The following F10 variants were observed in gnomAD, a reference collection of about 807,000 sequenced individuals.
F10 encodes the protein coagulation factor X, also known as Stuart-Prower factor.
F10 carries 29 observed loss-of-function variants against 37.1 expected under a neutral mutation model. The observed-to-expected ratio is 0.78, with a 90% CI of 0.58 to 1.07. The LOEUF is 1.07. Ranked by LOEUF, F10 falls within the 50% of genes least tolerant of loss-of-function variation. F10 has a pLI of 0.00. For synonymous variants in F10, 262 were observed against 268.6 expected (o/e 0.98, Z 0.24); for missense variants, 539 against 667.9 (o/e 0.81, Z 2.13).
At chr13:113,148,815 T>C in intron 7 of F10, 101 bp from the exon 8 acceptor site, 2 of 1,516,448 alleles carry the variant, frequency 1.3e-6, no homozygotes, top group Non-Finnish European at 1.8e-6. Context: ...TCACGTGCCA[T>C]TTTTAATTTA....
Position 113,143,735 on chromosome 13 carries a change from G to A in F10, c.503-116G>A, listed in dbSNP as rs1439593002. 17 of 1,473,220 alleles carry A rather than the reference G, an allele frequency of 1.2e-5. No individual in the cohort carries two copies. The highest frequency in any genetic ancestry group is 4.8e-5 in the East Asian group (2 of 41,448). 91.3% of individuals were successfully genotyped at this position (1,473,220 alleles called of 1,614,324 possible). On this transcript the variant is annotated intron_variant, in intron 5 of 7. Coordinates refer to ENST00000375559, the MANE Select transcript of F10 (RefSeq NM_000504.4). The surrounding 1 kb of genome is among the most constrained non-coding windows in gnomAD (Gnocchi z 6.8). ...CGCCCTGCAAGCCCGCTGCCCCTCCGGGTGCCCCTGCGCTCTGCCTCCCGG... is the reference window on the plus strand; with the variant it reads ...CGCCCTGCAAGCCCGCTGCCCCTCCAGGTGCCCCTGCGCTCTGCCTCCCGG...
intron 1 of F10, chr13:113,128,047 A>G (rs1476440535): frequency 6.6e-6 from 1 of 152,182 alleles, no homozygotes; most frequent in Non-Finnish European, 1.5e-5. Flanking sequence ...CAGGTGCCTC[A>G]TGCTGTACCT....
chr13:113,129,409 G>T, intron 1 of F10, 43 bp from the exon 2 acceptor site: 1 of 1,612,060 alleles, frequency 6.2e-7, no homozygotes, highest in South Asian at 1.1e-5. Context: ...GAGCCTGGGT[G>T]AGGGTGACCA....
chr13:113,147,570 T>G, intron 7 of F10, 74 bp downstream of exon 7: 1 of 924,458 alleles, frequency 1.1e-6, no homozygotes, highest in Non-Finnish European at 1.8e-6. Context: ...CCACTAAAGC[T>G]GATGGAATTT....
At chr13:113,124,172 G>A (rs371287071) in intron 1 of F10, among the ~76,000 whole-genome samples, 31 of 152,106 alleles carry the variant, frequency 2.0e-4, no homozygotes, top group African/African-American at 4.3e-4. Flanking sequence ...AGCCCGGCCC[G>A]GGACTCTGGA....
chr13:113,148,483 A>G lies in F10; in HGVS notation c.866-433A>G, dbSNP rs9577469. On this transcript the variant is annotated intron_variant, in intron 7 of 7. Coordinates refer to ENST00000375559, the MANE Select transcript of F10 (RefSeq NM_000504.4). ...TACTTTTTCCATGTGTAATCATGTT[A>G]AAGGTGTAATAACACATTCCGCACA... is the stretch of plus-strand genomic sequence containing the variant. 0.015 allele frequency among the ~76,000 whole-genome samples: 2,354 copies of G among 151,970 alleles called. 168 individuals carry two copies. In the East Asian group the frequency reaches 0.21, roughly 14 times the overall value.
chr13:113,127,001 A>G (rs2036376941), intron 1 of F10, among the ~76,000 whole-genome samples: 1 of 152,240 alleles, frequency 6.6e-6, no homozygotes, highest in African/African-American at 2.4e-5. Context: ...CAGGGTCAAG[A>G]AATAATAAAT....
intron 1 of F10, 118 bp downstream of exon 1, chr13:113,123,043 AGGCTGGGCTCGGAT>A (rs2036334785): frequency 1.6e-6 from 2 of 1,232,804 alleles, no homozygotes; most frequent in South Asian, 2.6e-5. Flanking sequence ...GTGCTGCCAG[AGGCTGGGCTCGGAT>A]GGCTGGGCTT....
At chr13:113,123,720 G>C (rs938189918) in intron 1 of F10, among the ~76,000 whole-genome samples, 1 of 152,198 alleles carries the variant, frequency 6.6e-6, no homozygotes, top group Non-Finnish European at 1.5e-5. Context: ...TGGGAAGGCT[G>C]AGTGGATCCT....
At chr13:113,145,158 G>A (rs1047177041) in intron 6 of F10, among the ~76,000 whole-genome samples, 5 of 152,318 alleles carry the variant, frequency 3.3e-5, no homozygotes, top group Admixed American at 2.0e-4. Flanking sequence ...GGGATTACAG[G>A]CGTGAGACAA....
chr13:113,147,001 G>A (rs987703168), intron 6 of F10, among the ~76,000 whole-genome samples: 4 of 152,314 alleles, frequency 2.6e-5, no homozygotes, highest in South Asian at 2.1e-4. Context: ...CAGGCACACC[G>A]GTTGAGGCAG....
rs541441351 is a variant in F10, at chr13:113,140,240, A to AT, written c.371-665dup. ...AGGCCCCGGCCACCAGTCCCGGCTA[A>AT]TTTTTTTTTTTTTTAATTTTTTAGT... On this transcript the variant is annotated intron_variant, in intron 4 of 7. Transcript: ENST00000375559. 6.4e-3 allele frequency among the ~76,000 whole-genome samples: 929 copies of AT among 144,742 alleles called. 4 individuals carry two copies. The highest frequency in any genetic ancestry group is 0.019 in the African/African-American group (733 of 39,582). 95.0% of individuals were successfully genotyped at this position (144,742 alleles called of 152,430 possible).
chr13:113,132,887 A>G (rs2036446859), intron 2 of F10, among the ~76,000 whole-genome samples: 1 of 152,364 alleles, frequency 6.6e-6, no homozygotes, highest in East Asian at 1.9e-4. Flanking sequence ...ACTCACATAA[A>G]GTATGTTTTC....
chr13:113,127,902 G>T (rs1038783135), intron 1 of F10, among the ~76,000 whole-genome samples: 1 of 152,152 alleles, frequency 6.6e-6, no homozygotes, highest in Non-Finnish European at 1.5e-5. Context: ...TGGGCTGAAA[G>T]CACCCTAGGG....
chr13:113,130,314 C>G (rs1420451509), intron 2 of F10: 1 of 154,546 alleles, frequency 6.5e-6, no homozygotes, highest in East Asian at 1.9e-4. Context: ...AGCAGCCCCG[C>G]GCGGAAGACG....
At position 113,140,957 on chromosome 13, in the gene F10, G is replaced by A. The variant is rs1246753787; in HGVS notation, c.409G>A (p.Asp137Asn). Reference protein sequence around the residue: ...KLCSLDNGDCDQFCHEEQNSV... With the variant: ...KLCSLDNGDCNQFCHEEQNSV... Reference sequence around the variant, plus strand: ...CTGCAGCCTGGACAACGGGGACTGTGACCAGTTCTGCCACGAGGAACAGAA... The same window carrying A: ...CTGCAGCCTGGACAACGGGGACTGTAACCAGTTCTGCCACGAGGAACAGAA... Residue 137 changes from aspartate to asparagine, a missense_variant, in exon 5 of 8, where the codon GAC (aspartate) becomes AAC (asparagine). By Grantham distance (23) the Asp-to-Asn change is conservative. This residue lies in a region of F10 where 409 missense variants were observed against 547.9 expected (regional missense o/e 0.75). Coordinates refer to ENST00000375559, the MANE Select transcript of F10 (RefSeq NM_000504.4). 5.0e-6 allele frequency: 8 copies of A among 1,614,008 alleles called. No homozygotes were observed. Among genetic ancestry groups the A allele is most frequent in the Non-Finnish European group, 8.5e-7 (1 of 1,180,054 alleles).
At chr13:113,124,423 C>G (rs2036351159) in intron 1 of F10, among the ~76,000 whole-genome samples, 2 of 152,260 alleles carry the variant, frequency 1.3e-5, no homozygotes, top group African/African-American at 2.4e-5. Context: ...TGATGCGGGC[C>G]TGGCTCATAA....
At chr13:113,131,909 G>A (rs1286399588) in intron 2 of F10, 3 of 152,314 alleles carry the variant, frequency 2.0e-5, no homozygotes, top group African/African-American at 4.8e-5. Flanking sequence ...GCTGGTTGGA[G>A]CGTGACAATC....
At chr13:113,132,038 T>C (rs997855211) in intron 2 of F10, 2 of 152,280 alleles carry the variant, frequency 1.3e-5, no homozygotes, top group African/African-American at 2.4e-5. Flanking sequence ...AAGCGCAACA[T>C]TGACACGTCT....
Sources: gnomAD v4.1 joint callset for allele counts (sites outside exome capture counted in the v4.1 genomes callset) on GRCh38, gnomAD v4.1.1 for gene constraint, gnomAD v4.1.1 regional missense constraint, Gnocchi (gnomAD v3.1) non-coding constraint, MANE v1.5 for transcripts, NCBI Gene and HGNC (gene_info 2026-07-23, HGNC 2026-07-21) for gene names.